Variants in TARP observed in about 807,000 individuals in gnomAD.
chr7:38,272,863 T>G, the TARP span, among the ~76,000 whole-genome samples: 1 of 151,234 alleles, frequency 6.6e-6, no homozygotes. Flanking sequence ...AATCGGAAGG[T>G]CACTTTTTAA....
chr7:38,264,450 G>A, the TARP span, among the ~76,000 whole-genome samples: 1 of 151,402 alleles, frequency 6.6e-6, no homozygotes, highest in Non-Finnish European at 1.5e-5. Flanking sequence ...AATTAGCCAG[G>A]TGTGGTGGCA....
chr7:38,273,582 C>G, the TARP span: 23 of 1,596,998 alleles, frequency 1.4e-5, no homozygotes, highest in Non-Finnish European at 1.9e-5. Flanking sequence ...TTAAAGAAAA[C>G]TTACCTGTAA....
the TARP span, among the ~76,000 whole-genome samples, chr7:38,267,253 C>T: frequency 7.2e-6 from 1 of 139,028 alleles, no homozygotes; most frequent in Admixed American, 7.0e-5. Context: ...TTCAGAGCTT[C>T]TTATAGGGAT....
chr7:38,259,723 A>G, the TARP span: 2 of 185,970 alleles, frequency 1.1e-5, no homozygotes, highest in Non-Finnish European at 2.2e-5. Flanking sequence ...AGACTGCTTC[A>G]GGGCGTGTAA....
the TARP span, among the ~76,000 whole-genome samples, chr7:38,268,756 G>C: frequency 6.6e-6 from 1 of 151,798 alleles, no homozygotes; most frequent in Admixed American, 6.6e-5. Context: ...ATTTTTGCGT[G>C]TGTGAGCTGA....
chr7:38,270,857 G>A, the TARP span, among the ~76,000 whole-genome samples: 123 of 151,046 alleles, frequency 8.1e-4, no homozygotes, highest in African/African-American at 2.9e-3. Flanking sequence ...GAAGTTGAAG[G>A]CACTGCCCAC....
chr7:38,267,006 TTAAGAATGAC>T, the TARP span, among the ~76,000 whole-genome samples: 2 of 151,872 alleles, frequency 1.3e-5, no homozygotes, highest in Non-Finnish European at 1.5e-5. Context: ...CATTTGAAGT[TTAAGAATGAC>T]TAAGAATGCA....
At chr7:38,268,717 T>G in the TARP span, among the ~76,000 whole-genome samples, 1 of 151,942 alleles carries the variant, frequency 6.6e-6, no homozygotes, top group Non-Finnish European at 1.5e-5. Flanking sequence ...TTAAAAAGCC[T>G]GCTAACAAGA....
chr7:38,271,013 T>G, the TARP span, among the ~76,000 whole-genome samples: 2 of 150,904 alleles, frequency 1.3e-5, no homozygotes, highest in African/African-American at 4.9e-5. Context: ...CTCCTTCTTT[T>G]GAGCATAAAA....
At chr7:38,259,965 A>C in the TARP span, 1 of 825,220 alleles carries the variant, frequency 1.2e-6, no homozygotes, top group Non-Finnish European at 1.9e-6. Context: ...TAATGATAGA[A>C]TAGTACACAC....
the TARP span, among the ~76,000 whole-genome samples, chr7:38,271,274 G>C: frequency 6.6e-6 from 1 of 151,448 alleles, no homozygotes; most frequent in Non-Finnish European, 1.5e-5. Context: ...ACAAGGAATG[G>C]AGACTATGTT....
the TARP span, chr7:38,265,200 A>G: frequency 2.4e-5 from 16 of 674,186 alleles, no homozygotes; most frequent in East Asian, 4.2e-4. Flanking sequence ...TTTTAATTCT[A>G]TAGAAAAGTA....
chr7:38,265,458 C>T, the TARP span: 8 of 1,611,600 alleles, frequency 5.0e-6, no homozygotes, highest in East Asian at 1.8e-4. Flanking sequence ...GCACCGTTAA[C>T]CAGCTAAATT....
At chr7:38,261,461 T>A in the TARP span, among the ~76,000 whole-genome samples, 2 of 151,550 alleles carry the variant, frequency 1.3e-5, no homozygotes, top group Non-Finnish European at 2.9e-5. Flanking sequence ...AGCCCTTCTG[T>A]GTAAAAAGCA....
the TARP span, among the ~76,000 whole-genome samples, chr7:38,268,452 T>C: frequency 6.6e-6 from 1 of 151,670 alleles, no homozygotes; most frequent in Non-Finnish European, 1.5e-5. Flanking sequence ...AGCCATTTTA[T>C]GTTTAAATAT....
chr7:38,264,012 G>C, the TARP span, among the ~76,000 whole-genome samples: 1 of 151,832 alleles, frequency 6.6e-6, no homozygotes, highest in Non-Finnish European at 1.5e-5. Flanking sequence ...TCCATGCATT[G>C]ATTGAGGTAA....
the TARP span, chr7:38,262,296 G>T: frequency 9.1e-7 from 1 of 1,094,444 alleles, no homozygotes; most frequent in Non-Finnish European, 1.4e-6. Flanking sequence ...AAAACCTGTC[G>T]ACAGAGAGGC....
At chr7:38,265,651 G>T in the TARP span, 2 of 1,605,782 alleles carry the variant, frequency 1.2e-6, no homozygotes, top group Non-Finnish European at 1.7e-6. Context: ...AGTGGGCTTG[G>T]GGGAAACATC....
At chr7:38,261,476 A>G in the TARP span, among the ~76,000 whole-genome samples, 2 of 151,722 alleles carry the variant, frequency 1.3e-5, no homozygotes, top group African/African-American at 4.9e-5. Context: ...AAAGCACTTG[A>G]TAAACACTAG....
Sources: gnomAD v4.1 joint callset for allele counts (sites outside exome capture counted in the v4.1 genomes callset) on GRCh38, gnomAD v4.1.1 for gene constraint, MANE v1.5 for transcripts.